GMDS: variants seen among roughly 807,000 people sequenced by gnomAD.
GMDS encodes the protein GDP-mannose 4,6-dehydratase, also known as GDP-mannose 4,6 dehydratase.
Under a neutral mutation model 49.9 loss-of-function variants are expected in GMDS, and 20 were observed. The ratio of observed to expected loss-of-function variants is 0.40; its 90% CI spans 0.28 to 0.58. The LOEUF (loss-of-function observed/expected upper bound fraction) is 0.58. GMDS is among the 20% of genes least tolerant of loss of function. The probability of loss-of-function intolerance (pLI) is 0.42; values close to 1 mark genes in which losing one functional copy is unlikely to be tolerated. For missense variants in GMDS, 362 were observed against 481.4 expected, an observed-to-expected ratio of 0.75 and a Z score of 2.32; for synonymous variants, 177 against 178.6, an observed-to-expected ratio of 0.99 and a Z score of 0.07.
At chr6:1,815,364 G>T (rs888877925) in intron 7 of GMDS, among the ~76,000 whole-genome samples, 2 of 152,144 alleles carry the variant, frequency 1.3e-5, no homozygotes, top group African/African-American at 4.8e-5. Context: ...CTGTACTTCT[G>T]GAGAAAAATA....
intron 4 of GMDS, among the ~76,000 whole-genome samples, chr6:2,045,939 A>T (rs111711100): frequency 7.9e-5 from 12 of 152,242 alleles, no homozygotes; most frequent in African/African-American, 2.7e-4. Flanking sequence ...AGCTGGGTGC[A>T]GTGGCTTACA....
chr6:1,892,944 C>T (rs376914101), intron 7 of GMDS, among the ~76,000 whole-genome samples: 12 of 152,162 alleles, frequency 7.9e-5, no homozygotes, highest in African/African-American at 2.2e-4. Flanking sequence ...TCCTCTCCAG[C>T]GGCCTGTGCA....
intron 7 of GMDS, among the ~76,000 whole-genome samples, chr6:1,910,183 A>G (rs1383009769): frequency 1.3e-5 from 2 of 151,988 alleles, no homozygotes; most frequent in Non-Finnish European, 2.9e-5. Context: ...ATTATATAAC[A>G]TATGGCATGC....
At chr6:1,761,580 AT>A (rs1325870658) in intron 7 of GMDS, among the ~76,000 whole-genome samples, 1 of 152,172 alleles carries the variant, frequency 6.6e-6, no homozygotes, top group Non-Finnish European at 1.5e-5. Context: ...ATAACACAGC[AT>A]TTTTCACATG....
chr6:2,096,907 A>G (rs1006463980), intron 4 of GMDS, among the ~76,000 whole-genome samples: 2 of 152,172 alleles, frequency 1.3e-5, no homozygotes, highest in Non-Finnish European at 2.9e-5. Flanking sequence ...AGACTAATTA[A>G]GTTAGTGACT....
intron 4 of GMDS, among the ~76,000 whole-genome samples, chr6:1,995,389 A>G (rs536322088): frequency 6.6e-6 from 1 of 152,276 alleles, no homozygotes; most frequent in East Asian, 1.9e-4. Flanking sequence ...TACCAAAAAG[A>G]GTAAGGAAGA....
At chr6:1,937,242 C>A (rs7763658) in intron 6 of GMDS, among the ~76,000 whole-genome samples, 119 of 152,282 alleles carry the variant, frequency 7.8e-4, no homozygotes, top group African/African-American at 2.8e-3. Context: ...GAACAAATCC[C>A]TGTGGTTCCG....
At position 1,959,923 on chromosome 6, in the gene GMDS, GC is replaced by G; in HGVS notation, c.586del (p.Ala196ArgfsTer7). On this transcript the variant is annotated frameshift_variant, in exon 6 of 11. Coordinates refer to ENST00000380815, the MANE Select transcript of GMDS (RefSeq NM_001500.4). LOFTEE classifies it high-confidence loss of function. Reference protein sequence around the residue: ...AYWIVVNFREAYNLFAVNGIL... With the variant: ...AYWIVVNFREXYNLFAVNGIL... Reference sequence around the variant, plus strand: ...GCCGTTCACTGCAAAGAGATTATACGCCTCACGGAAGTTCACCACAATCCAA... The same window carrying G: ...GCCGTTCACTGCAAAGAGATTATACGCTCACGGAAGTTCACCACAATCCAA... 1 of 1,611,234 alleles carries G rather than the reference GC, an allele frequency of 6.2e-7. No individual in the cohort carries two copies. The highest frequency in any genetic ancestry group is 1.3e-5 in the African/African-American group (1 of 74,966).
At chr6:1,789,667 CTGGGACTACAGGTGCA>C (rs138522792) in intron 7 of GMDS, among the ~76,000 whole-genome samples, 1,620 of 151,952 alleles carry the variant, frequency 0.011, 38 homozygotes, top group East Asian at 0.069. Flanking sequence ...TCCCTAGTAG[CTGGGACTACAGGTGCA>C]TGCCACCACA....
At chr6:2,111,372 T>C (rs1310425839) in intron 4 of GMDS, among the ~76,000 whole-genome samples, 1 of 152,238 alleles carries the variant, frequency 6.6e-6, no homozygotes, top group East Asian at 1.9e-4. Context: ...TTCTCCCACA[T>C]AAGATCAAAC....
chr6:1,651,914 C>T (rs1763663046), intron 9 of GMDS, among the ~76,000 whole-genome samples: 1 of 151,422 alleles, frequency 6.6e-6, no homozygotes, highest in Non-Finnish European at 1.5e-5. Context: ...CAATGAACTT[C>T]AACATCACAC....
chr6:1,751,198 T>G (rs909316532), intron 7 of GMDS, among the ~76,000 whole-genome samples: 15 of 152,164 alleles, frequency 9.9e-5, no homozygotes, highest in African/African-American at 3.6e-4. Flanking sequence ...GCAGCGGATC[T>G]CCCAGCACAA....
At chr6:1,998,500 T>C (rs780431378) in intron 4 of GMDS, among the ~76,000 whole-genome samples, 13 of 152,186 alleles carry the variant, frequency 8.5e-5, no homozygotes, top group Non-Finnish European at 1.2e-4. Context: ...AAAAGGATTA[T>C]AACCCCAGAA....
chr6:1,901,420 A>G (rs1760498873), intron 7 of GMDS, among the ~76,000 whole-genome samples: 2 of 152,190 alleles, frequency 1.3e-5, no homozygotes, highest in Admixed American at 6.5e-5. Flanking sequence ...ATCCCATTGT[A>G]ACAAAAAAAA....
intron 4 of GMDS, among the ~76,000 whole-genome samples, chr6:2,048,841 C>T (rs760284760): frequency 6.6e-6 from 1 of 151,962 alleles, no homozygotes; most frequent in Non-Finnish European, 1.5e-5. Flanking sequence ...TGATTTTATC[C>T]ACTGTATTGA....
At chr6:2,081,390 C>T (rs1025059267) in intron 4 of GMDS, among the ~76,000 whole-genome samples, 1 of 152,098 alleles carries the variant, frequency 6.6e-6, no homozygotes, top group Non-Finnish European at 1.5e-5. Flanking sequence ...CACCCAACAG[C>T]CTTATGAAGG....
At chr6:1,731,596 C>A (rs891514879) in intron 8 of GMDS, among the ~76,000 whole-genome samples, 2 of 152,194 alleles carry the variant, frequency 1.3e-5, no homozygotes, top group Admixed American at 1.3e-4. Flanking sequence ...GAAATATATA[C>A]CAGCAACATT....
At chr6:1,969,037 G>C (rs1051685727) in intron 4 of GMDS, among the ~76,000 whole-genome samples, 1 of 151,668 alleles carries the variant, frequency 6.6e-6, no homozygotes, top group South Asian at 2.1e-4. Flanking sequence ...CGAGGCGGGC[G>C]GATCACGAGG....
intron 7 of GMDS, among the ~76,000 whole-genome samples, chr6:1,926,022 C>A (rs35974385): frequency 6.6e-6 from 1 of 152,084 alleles, no homozygotes. Flanking sequence ...TTGGCTGGGG[C>A]GGAGAGAGGA....
Sources: gnomAD v4.1 joint callset for allele counts (sites outside exome capture counted in the v4.1 genomes callset) on GRCh38, gnomAD v4.1.1 for gene constraint, MANE v1.5 for transcripts, NCBI Gene and HGNC (gene_info 2026-07-23, HGNC 2026-07-21) for gene names.